Variants in NELL1 observed in about 807,000 individuals in gnomAD.
NELL1 encodes neural EGFL like 1.
Under a neutral mutation model 107.4 loss-of-function variants are expected in NELL1, and 76 were observed. That is an observed-to-expected ratio of 0.71 (90% CI 0.59 to 0.86). NELL1 has a LOEUF of 0.86. NELL1 is among the 40% of genes least tolerant of loss of function. The pLI is 0.00. For missense variants in NELL1, 1,024 were observed against 1,005.5 expected (o/e 1.02, Z -0.25); for synonymous variants, 353 against 341.2 (o/e 1.03, Z -0.38).
chr11:21,408,528 T>A (rs1194535706), intron 15 of NELL1, among the ~76,000 whole-genome samples: 1 of 152,100 alleles, frequency 6.6e-6, no homozygotes, highest in Admixed American at 6.6e-5. Flanking sequence ...TGCAATTACC[T>A]GAAAATTTGT....
chr11:20,927,331 T>C lies in NELL1; in HGVS notation c.783T>C (p.Leu261=), dbSNP rs1850519498. 1 of 1,612,160 alleles carries C rather than the reference T, an allele frequency of 6.2e-7. No homozygotes were observed. ...TAKLNYAETR[L]SQLENCHCEK... is the part of the protein sequence containing the mutation. ...AGCTAAATTATGCAGAGACAAGACT[T>C]AGTCAATTGGAAAACTGTCATTGTG... The change falls in exon 8 of 20, where the codon CTT becomes CTC. Residue 261 remains leucine (L), a synonymous_variant. Transcript: ENST00000357134.
chr11:21,206,130 G>C (rs886191185), intron 13 of NELL1, among the ~76,000 whole-genome samples: 1 of 152,034 alleles, frequency 6.6e-6, no homozygotes, highest in Non-Finnish European at 1.5e-5. Flanking sequence ...CTTTTTCTCT[G>C]ACAATTTTGG....
intron 12 of NELL1, among the ~76,000 whole-genome samples, chr11:21,075,167 G>T (rs911455257): frequency 1.3e-5 from 2 of 152,054 alleles, no homozygotes; most frequent in Non-Finnish European, 2.9e-5. Flanking sequence ...GCCAAATTCA[G>T]CAGGAGCAAC....
intron 9 of NELL1, among the ~76,000 whole-genome samples, chr11:20,932,659 C>G (rs900090019): frequency 6.6e-6 from 1 of 152,134 alleles, no homozygotes; most frequent in Non-Finnish European, 1.5e-5. Flanking sequence ...GCTATTATCC[C>G]CATTTTACAC....
At chr11:21,021,803 G>A (rs752647453) in intron 12 of NELL1, among the ~76,000 whole-genome samples, 18 of 151,836 alleles carry the variant, frequency 1.2e-4, no homozygotes, top group Non-Finnish European at 2.2e-4. Flanking sequence ...TTCATGTTTG[G>A]GCTGACCCTC....
chr11:21,296,990 T>A (rs1481649855), intron 14 of NELL1, among the ~76,000 whole-genome samples: 1 of 151,468 alleles, frequency 6.6e-6, no homozygotes, highest in Non-Finnish European at 1.5e-5. Context: ...TTCAAGTTGG[T>A]CTAGAATTTT....
At chr11:21,569,575 G>A (rs1462444207) in intron 17 of NELL1, among the ~76,000 whole-genome samples, 2 of 151,794 alleles carry the variant, frequency 1.3e-5, no homozygotes, top group East Asian at 1.9e-4. Flanking sequence ...AGAAGTTAGA[G>A]GTGTTTACCC....
rs531121180 is a variant in NELL1, at chr11:21,477,706, A to C, written c.1646-56668A>C. ...CATGACCTCACCACACAAACTAAGT[A>C]AGGCACCAGGAACAAATCCTAAGAT... On this transcript the variant is annotated intron_variant, in intron 15 of 19. Transcript: ENST00000357134. 1.8e-3 allele frequency among the ~76,000 whole-genome samples: 273 copies of C among 152,208 alleles called. 2 individuals are homozygous for C. Among genetic ancestry groups the C allele is most frequent in the South Asian group, 0.014 (69 of 4,820 alleles).
intron 16 of NELL1, among the ~76,000 whole-genome samples, chr11:21,535,467 G>T (rs138709904): frequency 6.6e-6 from 1 of 152,154 alleles, no homozygotes; most frequent in Non-Finnish European, 1.5e-5. Context: ...GATATAGTCA[G>T]TGTTTTTTCA....
intron 2 of NELL1, among the ~76,000 whole-genome samples, chr11:20,775,263 C>T (rs1204078664): frequency 6.6e-6 from 1 of 152,126 alleles, no homozygotes; most frequent in African/African-American, 2.4e-5. Flanking sequence ...TTTATGTTAC[C>T]ATAGACTTGG....
At chr11:20,705,758 C>T (rs1337669619) in intron 2 of NELL1, among the ~76,000 whole-genome samples, 5 of 150,010 alleles carry the variant, frequency 3.3e-5, no homozygotes, top group South Asian at 4.2e-4. Context: ...ATTTTTGCAA[C>T]CTACTCATCT....
chr11:20,914,187 T>A (rs910426216), intron 5 of NELL1, among the ~76,000 whole-genome samples: 1 of 152,226 alleles, frequency 6.6e-6, no homozygotes, highest in Admixed American at 6.6e-5. Flanking sequence ...TAGAAAAGTT[T>A]ATTTTGCCAA....
chr11:21,361,211 C>T (rs1851067504), intron 14 of NELL1, among the ~76,000 whole-genome samples: 1 of 148,512 alleles, frequency 6.7e-6, no homozygotes, highest in South Asian at 2.1e-4. Flanking sequence ...TTTATTTCTC[C>T]TTCATTTATG....
At chr11:20,854,176 G>A (rs1848838830) in intron 4 of NELL1, among the ~76,000 whole-genome samples, 1 of 152,210 alleles carries the variant, frequency 6.6e-6, no homozygotes, top group African/African-American at 2.4e-5. Flanking sequence ...TACTTTGAAA[G>A]TCTGGCTTTT....
chr11:21,285,169 T>A (rs1247072712), intron 14 of NELL1, among the ~76,000 whole-genome samples: 1 of 152,254 alleles, frequency 6.6e-6, no homozygotes, highest in Admixed American at 6.5e-5. Flanking sequence ...AATTTTTTGT[T>A]TAAATTGAGG....
At position 21,057,341 on chromosome 11, in the gene NELL1, C is replaced by T. The variant is rs75952823; in HGVS notation, c.1301-56248C>T. On this transcript the variant is annotated intron_variant, in intron 12 of 19. Coordinates refer to ENST00000357134, the MANE Select transcript of NELL1 (RefSeq NM_006157.5). ...ACCAGCAGGAAAAAGGACACCCTCTCACTTTTCTTTTGGGAAGTGGATGGG... is the reference window on the plus strand; with the variant it reads ...ACCAGCAGGAAAAAGGACACCCTCTTACTTTTCTTTTGGGAAGTGGATGGG... 2.8e-3 allele frequency among the ~76,000 whole-genome samples: 431 copies of T among 152,094 alleles called. 2 individuals carry two copies. Among genetic ancestry groups the T allele is most frequent in the African/African-American group, 1.0e-2 (414 of 41,534 alleles).
At chr11:20,710,138 G>A (rs1395322128) in intron 2 of NELL1, among the ~76,000 whole-genome samples, 1 of 152,138 alleles carries the variant, frequency 6.6e-6, no homozygotes. Flanking sequence ...AGATCTCAGG[G>A]GAAATGCTTT....
intron 13 of NELL1, among the ~76,000 whole-genome samples, chr11:21,201,728 GC>G (rs772715338): frequency 9.9e-5 from 15 of 152,150 alleles, no homozygotes; most frequent in Non-Finnish European, 2.1e-4. Flanking sequence ...AATGCTTCCA[GC>G]TTTTGCCCAT....
intron 2 of NELL1, among the ~76,000 whole-genome samples, chr11:20,736,372 A>G (rs1384463897): frequency 6.6e-6 from 1 of 152,174 alleles, no homozygotes; most frequent in African/African-American, 2.4e-5. Flanking sequence ...CGAGCAGAGC[A>G]ACCTGTCAGT....
Sources: allele counts gnomAD v4.1 joint callset (sites outside exome capture counted in the v4.1 genomes callset), GRCh38; gene constraint gnomAD v4.1.1; transcripts MANE v1.5; gene names NCBI Gene and HGNC (gene_info 2026-07-23, HGNC 2026-07-21).